Variants in KIRREL3 observed in about 807,000 individuals in gnomAD.
The protein encoded by KIRREL3 is kirre like nephrin family adhesion molecule 3.
A neutral mutation model predicts 89.7 loss-of-function variants in KIRREL3; 36 were observed. The observed-to-expected ratio is 0.40, with a 90% CI of 0.31 to 0.53. KIRREL3 has a LOEUF of 0.53. Among genes scored for constraint, KIRREL3 ranks in the 20% least tolerant of loss-of-function variants. The probability of loss-of-function intolerance (pLI) is 0.49; values close to 1 mark genes in which losing one functional copy is unlikely to be tolerated. For synonymous variants in KIRREL3, 445 were observed against 441.4 expected (o/e 1.01, Z -0.10); for missense variants, 864 against 1,056.6 (o/e 0.82, Z 2.53).
In KIRREL3 at chr11:126,768,635, G is replaced by A. The variant is rs1470179366; in HGVS notation, c.56-205723C>T. ...GGGTAGTCAGGATGGACTCTTGGAG[G>A]ATGTGACCTTTGGGCTAAGACCTGC... On this transcript the variant is annotated intron_variant, in intron 1 of 16. Transcript: ENST00000525144. This position sits in a 1 kb window ranked among gnomAD's most constrained non-coding sequence, Gnocchi z 4.5. Among the ~76,000 whole-genome samples the A allele has an allele frequency of 1.3e-5, 2 of 152,178 alleles. No homozygotes were observed. The highest frequency in any genetic ancestry group is 1.3e-4 in the Admixed American group (2 of 15,282).
Position 126,750,395 on chromosome 11 carries a change from A to C in KIRREL3, c.56-187483T>G, listed in dbSNP as rs1949295532. Among the ~76,000 whole-genome samples, 1 of 152,226 alleles carries C rather than the reference A, an allele frequency of 6.6e-6. No homozygotes were observed. The highest frequency in any genetic ancestry group is 6.5e-5 in the Admixed American group (1 of 15,292). ...CTACGTGTGGGTGCTCGAAGCCCAC[A>C]GTGAAGCTTCAAGTGAGGTTAGCCA... On this transcript the variant is annotated intron_variant, in intron 1 of 16. Transcript: ENST00000525144. The surrounding 1 kb of genome is among the most constrained non-coding windows in gnomAD (Gnocchi z 4.2).
intron 1 of KIRREL3, among the ~76,000 whole-genome samples, chr11:126,665,603 C>T (rs946214487): frequency 6.6e-6 from 1 of 152,160 alleles, no homozygotes; most frequent in Non-Finnish European, 1.5e-5. Flanking sequence ...AAGAAGGTGC[C>T]ATCCATGAAC....
At chr11:126,567,710 T>A (rs1226423842) in intron 1 of KIRREL3, among the ~76,000 whole-genome samples, 1 of 150,234 alleles carries the variant, frequency 6.7e-6, no homozygotes. Context: ...GAAGGCTGGT[T>A]ACGTGTCTGC....
intron 1 of KIRREL3, among the ~76,000 whole-genome samples, chr11:126,979,257 T>TTTTA (rs1221579565): frequency 1.3e-5 from 2 of 152,236 alleles, no homozygotes; most frequent in African/African-American, 2.4e-5. Context: ...ATGAGTTTCA[T>TTTTA]TTTATTTATT....
rs1945857219 is a variant in KIRREL3 at position 126,669,872 on chromosome 11, G to A, written c.56-106960C>T. 6.6e-6 allele frequency among the ~76,000 whole-genome samples: 1 copy of A among 152,098 alleles called. No homozygotes were observed. The highest frequency in any genetic ancestry group is 6.5e-5 in the Admixed American group (1 of 15,268). On this transcript the variant is annotated intron_variant, in intron 1 of 16. Coordinates refer to ENST00000525144, the MANE Select transcript of KIRREL3 (RefSeq NM_032531.4). The surrounding 1 kb of genome is among the most constrained non-coding windows in gnomAD (Gnocchi z 5.0). ...GGAGGTCTAATAATTACCGAAAACT[G>A]TAACATGTACAAAACAGACTTGTAG... is the stretch of plus-strand genomic sequence containing the variant.
chr11:126,748,280 C>T lies in KIRREL3; in HGVS notation c.56-185368G>A, dbSNP rs1409259206. 6.6e-6 allele frequency among the ~76,000 whole-genome samples: 1 copy of T among 152,182 alleles called. No individual in the cohort carries two copies. The highest frequency in any genetic ancestry group is 6.5e-5 in the Admixed American group (1 of 15,282). Reference sequence around the variant, plus strand: ...TCCTTTTACTCCCTTGCCCAGGCTTCAGCGGCAGAAGACAGTGTAAGCCCC... The same window carrying T: ...TCCTTTTACTCCCTTGCCCAGGCTTTAGCGGCAGAAGACAGTGTAAGCCCC... On this transcript the variant is annotated intron_variant, in intron 1 of 16. Coordinates refer to ENST00000525144, the MANE Select transcript of KIRREL3 (RefSeq NM_032531.4). This position sits in a 1 kb window ranked among gnomAD's most constrained non-coding sequence, Gnocchi z 4.6.
rs1173952308 is a variant in KIRREL3, at chr11:126,641,116, C to T, written c.56-78204G>A. 5.3e-5 allele frequency among the ~76,000 whole-genome samples: 8 copies of T among 152,164 alleles called. No individual in the cohort carries two copies. The highest frequency in any genetic ancestry group is 2.9e-5 in the Non-Finnish European group (2 of 68,032). ...TCTTTGAAGAAGATGATAAACTTGT[C>T]AGTGGCAATTTTATCCTTCCAGTTA... On this transcript the variant is annotated intron_variant, in intron 1 of 16. Coordinates refer to ENST00000525144, the MANE Select transcript of KIRREL3 (RefSeq NM_032531.4). This position sits in a 1 kb window ranked among gnomAD's most constrained non-coding sequence, Gnocchi z 5.0.
In KIRREL3 at chr11:126,575,790, C is replaced by T. The variant is rs899099716; in HGVS notation, c.56-12878G>A. Among the ~76,000 whole-genome samples the T allele has an allele frequency of 6.6e-6, 1 of 152,150 alleles. No individual in the cohort carries two copies. Among genetic ancestry groups the T allele is most frequent in the African/African-American group, 2.4e-5 (1 of 41,436 alleles). ...CAGGGATTCTCACACCCCTCTCAAG[C>T]ATCACATTTCATTCATAGTTCAAGA... On this transcript the variant is annotated intron_variant, in intron 1 of 16. Coordinates refer to ENST00000525144, the MANE Select transcript of KIRREL3 (RefSeq NM_032531.4). The surrounding 1 kb of genome is among the most constrained non-coding windows in gnomAD (Gnocchi z 7.0).
At chr11:126,846,522 A>G (rs1944148392) in intron 1 of KIRREL3, among the ~76,000 whole-genome samples, 1 of 152,210 alleles carries the variant, frequency 6.6e-6, no homozygotes, top group African/African-American at 2.4e-5. Flanking sequence ...TTGGTAAAAT[A>G]AAGACATTTG....
In KIRREL3 at chr11:126,772,048, C is replaced by T. The variant is rs942943235; in HGVS notation, c.56-209136G>A. Among the ~76,000 whole-genome samples the T allele has an allele frequency of 9.8e-5, 15 of 152,348 alleles. 1 individual carries two copies. The East Asian group carries it at 2.9e-3, about 29-fold the overall frequency. ...CTGTCGGGAAACCATGACCTTTCCA[C>T]CTGTCAGAGCTCTAAAGCACTAAGA... On this transcript the variant is annotated intron_variant, in intron 1 of 16. Coordinates refer to ENST00000525144, the MANE Select transcript of KIRREL3 (RefSeq NM_032531.4). This position sits in a 1 kb window ranked among gnomAD's most constrained non-coding sequence, Gnocchi z 4.6.
chr11:126,837,443 G>C lies in KIRREL3; in HGVS notation c.55+163012C>G, dbSNP rs74763660. On this transcript the variant is annotated intron_variant, in intron 1 of 16. Transcript: ENST00000525144. The surrounding 1 kb of genome is among the most constrained non-coding windows in gnomAD (Gnocchi z 4.7). ...GGACATGTCTAGACTCAGAGTGGAA[G>C]AGAAACCTGGTGAATTGGTGGGTAG... Among the ~76,000 whole-genome samples, 2,053 of 152,322 alleles carry C rather than the reference G, an allele frequency of 0.013. 49 individuals are homozygous for C. Among genetic ancestry groups the C allele is most frequent in the African/African-American group, 0.047 (1,954 of 41,566 alleles).
chr11:126,701,064 A>G (rs1947295732), intron 1 of KIRREL3, among the ~76,000 whole-genome samples: 1 of 152,242 alleles, frequency 6.6e-6, no homozygotes, highest in African/African-American at 2.4e-5. Flanking sequence ...TCTTTGCAGA[A>G]ACCACACTGC....
At chr11:126,857,780 T>TGC (rs1356518198) in intron 1 of KIRREL3, among the ~76,000 whole-genome samples, 6 of 12,342 alleles carry the variant, frequency 4.9e-4, no homozygotes, top group Admixed American at 3.6e-3. Context: ...GTCTTCAGGC[T>TGC]GTGGGGGTGG....
In KIRREL3 at chr11:126,492,752, C is replaced by T. The variant is rs1957555712; in HGVS notation, c.434-19286G>A. ...ATCAAGATGCTGAGGGGGCTCTGAG[C>T]TGGACCGTGCAGGGAGGACTGGCTT... On this transcript the variant is annotated intron_variant, in intron 4 of 16. Transcript: ENST00000525144. The surrounding 1 kb of genome is among the most constrained non-coding windows in gnomAD (Gnocchi z 4.8). Among the ~76,000 whole-genome samples, 1 of 152,176 alleles carries T rather than the reference C, an allele frequency of 6.6e-6. No individual in the cohort carries two copies. The highest frequency in any genetic ancestry group is 1.5e-5 in the Non-Finnish European group (1 of 68,036).
chr11:126,838,827 C>T lies in KIRREL3; in HGVS notation c.55+161628G>A, dbSNP rs192802058. On this transcript the variant is annotated intron_variant, in intron 1 of 16. Transcript: ENST00000525144. The stretch of plus-strand genomic sequence containing the variant: ...TATATGATCCATAAATAAAGAAAAA[C>T]GGGACTTGTTTGGCATGATAAAGTT... Among the ~76,000 whole-genome samples, 248 of 152,156 alleles carry T rather than the reference C, an allele frequency of 1.6e-3. 1 individual carries two copies. Among genetic ancestry groups the T allele is most frequent in the African/African-American group, 5.4e-3 (223 of 41,512 alleles).
chr11:126,746,896 C>G (rs1203390457), intron 1 of KIRREL3, among the ~76,000 whole-genome samples: 1 of 152,210 alleles, frequency 6.6e-6, no homozygotes, highest in African/African-American at 2.4e-5. Flanking sequence ...TCAGGAGGAA[C>G]AGCCTCACGT....
In KIRREL3 at chr11:126,802,778, C is replaced by T. The variant is rs1266331255; in HGVS notation, c.55+197677G>A. ...TATAGATCTTTTTCAAAATGCTTAA[C>T]ATTACGAGTATTTTGGTCTTTGTTT... On this transcript the variant is annotated intron_variant, in intron 1 of 16. Transcript: ENST00000525144. The surrounding 1 kb of genome is among the most constrained non-coding windows in gnomAD (Gnocchi z 5.2). 6.6e-6 allele frequency among the ~76,000 whole-genome samples: 1 copy of T among 152,192 alleles called. No individual in the cohort carries two copies. The highest frequency in any genetic ancestry group is 1.9e-4 in the East Asian group (1 of 5,200).
chr11:126,755,250 T>A lies in KIRREL3; in HGVS notation c.56-192338A>T, dbSNP rs779845987. On this transcript the variant is annotated intron_variant, in intron 1 of 16. Coordinates refer to ENST00000525144, the MANE Select transcript of KIRREL3 (RefSeq NM_032531.4). The surrounding 1 kb of genome is among the most constrained non-coding windows in gnomAD (Gnocchi z 4.3). ...TCCCATCCGAGGCCCTTGCCTGCCC[T>A]CCTGTAGCCACAAACATAGCCCTGC... is the stretch of plus-strand genomic sequence containing the variant. 5.3e-5 allele frequency among the ~76,000 whole-genome samples: 8 copies of A among 152,262 alleles called. No homozygotes were observed. Among genetic ancestry groups the A allele is most frequent in the Admixed American group, 2.0e-4 (3 of 15,296 alleles).
intron 5 of KIRREL3, among the ~76,000 whole-genome samples, chr11:126,466,001 AG>A (rs1318565085): frequency 7.9e-5 from 12 of 152,170 alleles, no homozygotes; most frequent in African/African-American, 2.9e-4. Flanking sequence ...TGTGCTAACA[AG>A]GGACATTTAC....
Sources: allele counts gnomAD v4.1 joint callset (sites outside exome capture counted in the v4.1 genomes callset), GRCh38; gene constraint gnomAD v4.1.1; non-coding constraint Gnocchi (gnomAD v3.1); transcripts MANE v1.5; gene names NCBI Gene and HGNC (gene_info 2026-07-23, HGNC 2026-07-21).